The following SLC25A48 variants were observed in gnomAD, a reference collection of about 807,000 sequenced individuals.
SLC25A48 encodes CTC-321K16.1.
In SLC25A48, 29 loss-of-function variants were observed where a neutral mutation model predicts 32.2. The ratio of observed to expected loss-of-function variants is 0.90; its 90% CI spans 0.67 to 1.23. SLC25A48 has a LOEUF of 1.23. Ranked by LOEUF, SLC25A48 falls within the 50% of genes most tolerant of loss-of-function variation. The pLI is 0.00. For missense variants in SLC25A48, 399 were observed against 422.7 expected, an observed-to-expected ratio of 0.94 and a Z score of 0.49; for synonymous variants, 164 against 172.3, an observed-to-expected ratio of 0.95 and a Z score of 0.38.
chr5:135,587,590 A>G (rs565506096), intron 1 of SLC25A48, among the ~76,000 whole-genome samples: 3 of 152,290 alleles, frequency 2.0e-5, no homozygotes, highest in South Asian at 4.1e-4. Flanking sequence ...ATGGAGGAGA[A>G]CAGGGTCCAA....
intron 7 of SLC25A48, among the ~76,000 whole-genome samples, chr5:135,886,683 A>T (rs1255335406): frequency 0.025 from 3,377 of 135,310 alleles, 300 homozygotes; most frequent in African/African-American, 0.093. Flanking sequence ...TGAGAGAGAG[A>T]GAGAGAGAGA....
intron 3 of SLC25A48, among the ~76,000 whole-genome samples, chr5:135,754,538 TATA>T (rs1368800977): frequency 6.6e-6 from 1 of 151,874 alleles, no homozygotes; most frequent in Non-Finnish European, 1.5e-5. Context: ...ATCATTCTGA[TATA>T]ATATCCAATG....
chr5:135,809,280 T>C (rs1757541049), intron 3 of SLC25A48, among the ~76,000 whole-genome samples: 1 of 152,052 alleles, frequency 6.6e-6, no homozygotes, highest in African/African-American at 2.4e-5. Flanking sequence ...GCCTGGGCAA[T>C]AGAGCAAGAC....
chr5:135,597,015 T>C (rs780078514), intron 1 of SLC25A48, among the ~76,000 whole-genome samples: 1 of 152,050 alleles, frequency 6.6e-6, no homozygotes, highest in Non-Finnish European at 1.5e-5. Flanking sequence ...CAATAGTAGG[T>C]TGTGAGGAGA....
intron 3 of SLC25A48, among the ~76,000 whole-genome samples, chr5:135,720,610 G>A (rs1754928019): frequency 1.3e-5 from 2 of 152,220 alleles, no homozygotes; most frequent in African/African-American, 4.8e-5. Context: ...TTGATGCTGT[G>A]GCTCCCGATA....
intron 1 of SLC25A48, chr5:135,609,553 A>G (rs1177501487): frequency 6.6e-6 from 1 of 152,264 alleles, no homozygotes; most frequent in Non-Finnish European, 1.5e-5. Flanking sequence ...ACTTTTATAC[A>G]GAGACCTGAA....
intron 3 of SLC25A48, among the ~76,000 whole-genome samples, chr5:135,799,672 C>T (rs1000287980): frequency 1.3e-5 from 2 of 151,654 alleles, no homozygotes; most frequent in Non-Finnish European, 2.9e-5. Context: ...ATATTACTCC[C>T]AATATCGCAA....
At chr5:135,871,744 C>T (rs759673518) in intron 5 of SLC25A48, 26 bp downstream of exon 5, 3 of 1,611,014 alleles carry the variant, frequency 1.9e-6, no homozygotes, top group Admixed American at 1.7e-5. Context: ...GCTGGAGCCG[C>T]ACCCCTGTGC....
At chr5:135,858,905 T>G (rs1354941861) in intron 4 of SLC25A48, among the ~76,000 whole-genome samples, 1 of 152,092 alleles carries the variant, frequency 6.6e-6, no homozygotes, top group African/African-American at 2.4e-5. Context: ...TGCCCTCAGT[T>G]GCTTGGGGGA....
chr5:135,583,836 G>C (rs923768159), intron 1 of SLC25A48, among the ~76,000 whole-genome samples: 2 of 152,140 alleles, frequency 1.3e-5, no homozygotes, highest in Non-Finnish European at 2.9e-5. Flanking sequence ...TCCTCCCTCT[G>C]TCTGTTCACC....
At chr5:135,850,336 T>C in intron 2 of SLC25A48, 89 bp from the exon 3 acceptor site, 7 of 1,354,806 alleles carry the variant, frequency 5.2e-6, no homozygotes, top group Non-Finnish European at 7.3e-6. Flanking sequence ...GGGGTCACTA[T>C]GAGCAGGGCC....
At chr5:135,623,154 G>C (rs1752364987) in intron 1 of SLC25A48, among the ~76,000 whole-genome samples, 1 of 152,192 alleles carries the variant, frequency 6.6e-6, no homozygotes, top group African/African-American at 2.4e-5. Context: ...ATCCCTTCTT[G>C]GTTTGTTGCT....
intron 1 of SLC25A48, among the ~76,000 whole-genome samples, chr5:135,594,349 C>T (rs914448147): frequency 3.9e-5 from 6 of 152,154 alleles, no homozygotes; most frequent in Non-Finnish European, 8.8e-5. Flanking sequence ...CATCCCTGAC[C>T]CCCAAGTCCC....
chr5:135,642,050 A>G (rs1397837919), intron 3 of SLC25A48, among the ~76,000 whole-genome samples: 15 of 152,370 alleles, frequency 9.8e-5, no homozygotes, highest in Non-Finnish European at 1.5e-5. Flanking sequence ...CAGTGGTAGT[A>G]TAATTAAGGC....
chr5:135,733,880 G>C (rs1755290235), intron 3 of SLC25A48, among the ~76,000 whole-genome samples: 1 of 152,092 alleles, frequency 6.6e-6, no homozygotes, highest in Admixed American at 6.6e-5. Context: ...GGGTTGTGGA[G>C]GGAGGTATTG....
chr5:135,798,717 G>A (rs570749975), intron 3 of SLC25A48, among the ~76,000 whole-genome samples: 12 of 147,664 alleles, frequency 8.1e-5, no homozygotes, highest in Non-Finnish European at 1.1e-4. Flanking sequence ...CCTGTGATAT[G>A]GTCCCTAATA....
At chr5:135,701,095 C>G (rs1341728439) in intron 3 of SLC25A48, among the ~76,000 whole-genome samples, 1 of 152,284 alleles carries the variant, frequency 6.6e-6, no homozygotes, top group Admixed American at 6.5e-5. Flanking sequence ...TATTGTCAGC[C>G]ACCAGTTCCA....
intron 3 of SLC25A48, among the ~76,000 whole-genome samples, chr5:135,714,464 C>G (rs530373544): frequency 4.9e-4 from 74 of 152,322 alleles, no homozygotes; most frequent in Non-Finnish European, 7.6e-4. Context: ...GTGTGGCGCC[C>G]GCTGGAAGCT....
intron 1 of SLC25A48, among the ~76,000 whole-genome samples, chr5:135,838,137 C>G (rs1439992199): frequency 2.6e-5 from 4 of 152,184 alleles, no homozygotes; most frequent in African/African-American, 9.6e-5. Context: ...AAAGGTGACT[C>G]TTGCTATGTT....
Sources: allele counts gnomAD v4.1 joint callset (sites outside exome capture counted in the v4.1 genomes callset), GRCh38; gene constraint gnomAD v4.1.1; transcripts MANE v1.5; gene names NCBI Gene and HGNC (gene_info 2026-07-23, HGNC 2026-07-21).